SLC24A2: variants seen among roughly 807,000 people sequenced by gnomAD.
SLC24A2 encodes sodium/potassium/calcium exchanger 2.
Under a neutral mutation model 62.0 loss-of-function variants are expected in SLC24A2, and 36 were observed. That is an observed-to-expected ratio of 0.58 (90% CI 0.44 to 0.77). The LOEUF (loss-of-function observed/expected upper bound fraction) is 0.77, where lower values mean the gene tolerates loss of function less well. Among genes scored for constraint, SLC24A2 ranks in the 30% least tolerant of loss-of-function variants. The pLI is 0.00. For missense variants in SLC24A2, 846 were observed against 817.9 expected (o/e 1.03, Z -0.42); for synonymous variants, 358 against 294.0 (o/e 1.22, Z -2.23).
At chr9:20,209,032 G>A in the SLC24A2 span, among the ~76,000 whole-genome samples, 1 of 152,184 alleles carries the variant, frequency 6.6e-6, no homozygotes, top group Admixed American at 6.5e-5. Flanking sequence ...TCACTCATAT[G>A]CCCTCTCTGT....
chr9:19,677,304 T>C (rs946085361), intron 2 of SLC24A2, among the ~76,000 whole-genome samples: 1 of 152,152 alleles, frequency 6.6e-6, no homozygotes, highest in Non-Finnish European at 1.5e-5. Context: ...CTAGAGGCCA[T>C]TAGCCTCAGC....
chr9:20,248,337 A>C, the SLC24A2 span, among the ~76,000 whole-genome samples: 1 of 152,240 alleles, frequency 6.6e-6, no homozygotes, highest in Non-Finnish European at 1.5e-5. Context: ...AGCACATCTT[A>C]TTTGGTTCGG....
At chr9:20,288,537 G>C in the SLC24A2 span, among the ~76,000 whole-genome samples, 2 of 152,120 alleles carry the variant, frequency 1.3e-5, no homozygotes, top group Non-Finnish European at 2.9e-5. Flanking sequence ...GGGAGGCTAA[G>C]GCAGGTGGAT....
intron 2 of SLC24A2, among the ~76,000 whole-genome samples, chr9:19,682,738 C>A (rs563054964): frequency 6.2e-4 from 95 of 152,222 alleles, no homozygotes; most frequent in African/African-American, 2.1e-3. Flanking sequence ...TGGGATTAAA[C>A]AGATGTATTT....
the SLC24A2 span, among the ~76,000 whole-genome samples, chr9:20,272,398 G>C: frequency 1.3e-5 from 2 of 152,154 alleles, no homozygotes; most frequent in African/African-American, 4.8e-5. Flanking sequence ...ATCCTGACAA[G>C]TATGTTTAGC....
chr9:20,096,812 A>T, the SLC24A2 span, among the ~76,000 whole-genome samples: 31 of 151,744 alleles, frequency 2.0e-4, no homozygotes, highest in African/African-American at 7.5e-4. Context: ...TTTTTTTGTT[A>T]TCGTTCTGTT....
the SLC24A2 span, among the ~76,000 whole-genome samples, chr9:20,278,621 A>G: frequency 1.3e-5 from 2 of 152,176 alleles, no homozygotes; most frequent in African/African-American, 4.8e-5. Flanking sequence ...TATCACTATC[A>G]GCATTTTGGT....
chr9:20,108,180 T>G, the SLC24A2 span, among the ~76,000 whole-genome samples: 2 of 152,092 alleles, frequency 1.3e-5, no homozygotes, highest in East Asian at 1.9e-4. Context: ...ATGGCAATCA[T>G]TAAAATTTCA....
At chr9:19,544,857 C>G (rs1185704943) in intron 8 of SLC24A2, among the ~76,000 whole-genome samples, 4 of 152,172 alleles carry the variant, frequency 2.6e-5, no homozygotes, top group African/African-American at 7.2e-5. Flanking sequence ...CTGCCCTTAA[C>G]AATTTTTCCT....
chr9:19,765,355 A>G (rs1269337800), intron 2 of SLC24A2, among the ~76,000 whole-genome samples: 16 of 152,054 alleles, frequency 1.1e-4, no homozygotes, highest in Non-Finnish European at 5.9e-5. Flanking sequence ...CTAACTGGTT[A>G]TTTTGCCCAT....
the SLC24A2 span, among the ~76,000 whole-genome samples, chr9:19,891,530 T>C: frequency 6.6e-6 from 1 of 152,126 alleles, no homozygotes; most frequent in Non-Finnish European, 1.5e-5. Context: ...GGAGAAAGCA[T>C]GTCACATTGT....
chr9:20,144,439 T>C, the SLC24A2 span, among the ~76,000 whole-genome samples: 1 of 152,192 alleles, frequency 6.6e-6, no homozygotes, highest in Non-Finnish European at 1.5e-5. Context: ...ACCACTAGCC[T>C]GAAACCTTAG....
chr9:20,172,985 C>T, the SLC24A2 span, among the ~76,000 whole-genome samples: 2 of 152,108 alleles, frequency 1.3e-5, no homozygotes, highest in Admixed American at 6.6e-5. Context: ...TAATCCACCA[C>T]GATCAAGTGG....
the SLC24A2 span, among the ~76,000 whole-genome samples, chr9:19,971,417 T>C: frequency 6.6e-6 from 1 of 152,184 alleles, no homozygotes; most frequent in Non-Finnish European, 1.5e-5. Flanking sequence ...TATTGTATAT[T>C]GTGTTACATG....
chr9:19,524,974 T>A (rs1023522549), intron 9 of SLC24A2, among the ~76,000 whole-genome samples: 1 of 152,182 alleles, frequency 6.6e-6, no homozygotes, highest in Non-Finnish European at 1.5e-5. Context: ...AAGATGATTA[T>A]TAAGAAAAAC....
At position 19,786,982 on chromosome 9, in the gene SLC24A2, G is replaced by A. The variant is rs555332595; in HGVS notation, c.-116C>T. The A allele has an allele frequency of 4.8e-6, 7 of 1,462,130 alleles. No homozygotes were observed. The East Asian group carries it at 9.3e-5, about 19-fold the overall frequency. The allele number at this position is 1,462,130 out of a possible 1,614,324, so 90.6% of individuals were successfully genotyped here. A position where few individuals can be genotyped will look rare whatever the true frequency, so the allele number is the denominator to read the frequency against. Reference sequence around the variant, plus strand: ...GCTTGTGGGGTACTTTCACAATCAGGGATTGTTATGCTTCACAGGAAACTT... The same window carrying A: ...GCTTGTGGGGTACTTTCACAATCAGAGATTGTTATGCTTCACAGGAAACTT... On this transcript the variant is annotated 5_prime_UTR_variant, in exon 2 of 11. Coordinates refer to ENST00000341998, the MANE Select transcript of SLC24A2 (RefSeq NM_020344.4). This position sits in a 1 kb window ranked among gnomAD's most constrained non-coding sequence, Gnocchi z 5.0.
the SLC24A2 span, among the ~76,000 whole-genome samples, chr9:20,292,515 A>G: frequency 6.6e-6 from 1 of 152,198 alleles, no homozygotes; most frequent in African/African-American, 2.4e-5. Context: ...TCCCTTAGCT[A>G]TCTGTATTGA....
the SLC24A2 span, among the ~76,000 whole-genome samples, chr9:19,931,999 A>T: frequency 1.3e-5 from 2 of 152,032 alleles, no homozygotes; most frequent in Admixed American, 1.3e-4. Flanking sequence ...GTTAATTTAA[A>T]AAATCATCCA....
the SLC24A2 span, among the ~76,000 whole-genome samples, chr9:20,266,344 G>A: frequency 5.9e-5 from 9 of 152,164 alleles, no homozygotes; most frequent in South Asian, 1.5e-3. Context: ...TTCTCTAAAC[G>A]GCTGATGCTT....
Sources: allele counts gnomAD v4.1 joint callset (sites outside exome capture counted in the v4.1 genomes callset), GRCh38; gene constraint gnomAD v4.1.1; non-coding constraint Gnocchi (gnomAD v3.1); transcripts MANE v1.5; gene names NCBI Gene and HGNC (gene_info 2026-07-23, HGNC 2026-07-21).